Variants in SLC43A2 observed in about 807,000 individuals in gnomAD.
SLC43A2 encodes large neutral amino acids transporter small subunit 4.
Under a neutral mutation model 63.2 loss-of-function variants are expected in SLC43A2, and 38 were observed. That is an observed-to-expected ratio of 0.60 (90% confidence interval 0.46 to 0.79). The LOEUF (loss-of-function observed/expected upper bound fraction) is 0.79, where lower values mean the gene tolerates loss of function less well. Among genes scored for constraint, SLC43A2 ranks in the 30% least tolerant of loss-of-function variants. The pLI, the probability that SLC43A2 is intolerant of heterozygous loss-of-function variation, is 0.00. For missense variants in SLC43A2, 644 were observed against 756.2 expected (o/e 0.85, Z 1.74); for synonymous variants, 322 against 331.0 (o/e 0.97, Z 0.30).
chr17:1,591,739 G>GGCCCCCCCCC, intron 6 of SLC43A2, 40 bp from the exon 7 acceptor site: 1 of 512,310 alleles, frequency 2.0e-6, no homozygotes, highest in Non-Finnish European at 3.9e-6. Flanking sequence ...GGGGGAGGGG[G>GGCCCCCCCCC]CAGAGTTAGC....
In SLC43A2 at chr17:1,595,395, C is replaced by G. The variant is rs117097298; in HGVS notation, c.502-2116G>C. Among the ~76,000 whole-genome samples, 461 of 152,132 alleles carry G rather than the reference C, an allele frequency of 3.0e-3. 6 individuals are homozygous for G. Among genetic ancestry groups the G allele is most frequent in the African/African-American group, 0.01 (426 of 41,484 alleles). ...AACTTGGCTCAAGTGATCTTCCCCC[C>G]CCAGCTCCCAAGTCACTGGGACAAC... On this transcript the variant is annotated intron_variant, in intron 5 of 13. Coordinates refer to ENST00000301335, the MANE Select transcript of SLC43A2 (RefSeq NM_152346.3).
intron 2 of SLC43A2, among the ~76,000 whole-genome samples, chr17:1,625,056 C>T (rs1010988923): frequency 6.6e-6 from 1 of 152,194 alleles, no homozygotes; most frequent in Non-Finnish European, 1.5e-5. Flanking sequence ...TCCAGGAAGC[C>T]CCGTGCTTCT....
chr17:1,616,296 G>A (rs1467530164), intron 3 of SLC43A2: 4 of 504,902 alleles, frequency 7.9e-6, no homozygotes, highest in Non-Finnish European at 1.4e-5. Context: ...ACAAAGGGAT[G>A]GGAAACACAT....
rs1240206938 is a variant in SLC43A2, at chr17:1,606,129, A to G, written c.501+7066T>C. On this transcript the variant is annotated intron_variant, in intron 5 of 13. Coordinates refer to ENST00000301335, the MANE Select transcript of SLC43A2 (RefSeq NM_152346.3). The surrounding 1 kb of genome is among the most constrained non-coding windows in gnomAD (Gnocchi z 4.7). Reference sequence around the variant, plus strand: ...GGCAAGTCCCGCTCACCAGGCACCTAGACCCTCCAGAGCTGGCCGGGGGCC... The same window carrying G: ...GGCAAGTCCCGCTCACCAGGCACCTGGACCCTCCAGAGCTGGCCGGGGGCC... Among the ~76,000 whole-genome samples the G allele has an allele frequency of 1.3e-5, 2 of 152,114 alleles. No individual in the cohort carries two copies. The highest frequency in any genetic ancestry group is 4.8e-5 in the African/African-American group (2 of 41,422).
chr17:1,600,135 A>AATATATATATATATATATATAT lies in SLC43A2; in HGVS notation c.502-6857_502-6856insATATATATATATATATATATAT, dbSNP rs546467041. 7.5e-4 allele frequency among the ~76,000 whole-genome samples: 36 copies of AATATATATATATATATATATAT among 47,882 alleles called. 1 individual carries two copies. The highest frequency in any genetic ancestry group is 2.7e-3 in the East Asian group (3 of 1,122). 31.4% of individuals were successfully genotyped at this position (47,882 alleles called of 152,430 possible). On this transcript the variant is annotated intron_variant, in intron 5 of 13. Transcript: ENST00000301335. ...TTTACAGTAAGCTATATATTAATTG[A>AATATATATATATATATATATAT]ATATATATATATATATATTTTTTTT... is the stretch of plus-strand genomic sequence containing the variant.
rs1555534437 is a variant in SLC43A2, at chr17:1,573,199, A to AAAAAAG, written c.*2404_*2405insCTTTTT. 8.3e-4 allele frequency: 125 copies of AAAAAAG among 150,120 alleles called. No individual in the cohort carries two copies. The highest frequency in any genetic ancestry group is 2.9e-3 in the African/African-American group (120 of 40,794). The allele number at this position is 150,120 out of a possible 1,614,324, so 9.3% of individuals were successfully genotyped here. A position where few individuals can be genotyped will look rare whatever the true frequency, so the allele number is the denominator to read the frequency against. ...CTCAAAAAAAAAAAAAAAAAAAAAA[A>AAAAAAG]GGCGGCCTTTTCCCAGCTGGCAGCA... is the stretch of plus-strand genomic sequence containing the variant. On this transcript the variant is annotated 3_prime_UTR_variant, in exon 14 of 14. Coordinates refer to ENST00000301335, the MANE Select transcript of SLC43A2 (RefSeq NM_152346.3).
chr17:1,587,043 G>T, intron 9 of SLC43A2: 2 of 1,416,380 alleles, frequency 1.4e-6, no homozygotes, highest in South Asian at 1.3e-5. Flanking sequence ...AGATGGGAGA[G>T]GAGGCAGGCT....
Position 1,583,923 on chromosome 17 carries a change from T to A in SLC43A2, c.1218-587A>T, listed in dbSNP as rs2076059166. Among the ~76,000 whole-genome samples, 1 of 151,734 alleles carries A rather than the reference T, an allele frequency of 6.6e-6. No homozygotes were observed. Among genetic ancestry groups the A allele is most frequent in the South Asian group, 2.1e-4 (1 of 4,818 alleles). Reference sequence around the variant, plus strand: ...CTTTGGGTTTTTTTTTGAGATGGAGTCTCGCTCTGTCACCCGGGCTGGAGT... The same window carrying A: ...CTTTGGGTTTTTTTTTGAGATGGAGACTCGCTCTGTCACCCGGGCTGGAGT... On this transcript the variant is annotated intron_variant, in intron 10 of 13. Coordinates refer to ENST00000301335, the MANE Select transcript of SLC43A2 (RefSeq NM_152346.3). This position sits in a 1 kb window ranked among gnomAD's most constrained non-coding sequence, Gnocchi z 5.5.
chr17:1,609,186 C>T (rs375526109), intron 5 of SLC43A2, among the ~76,000 whole-genome samples: 1 of 152,158 alleles, frequency 6.6e-6, no homozygotes, highest in African/African-American at 2.4e-5. Context: ...CGTGTACGTG[C>T]TGGTGGGCCT....
intron 5 of SLC43A2, among the ~76,000 whole-genome samples, chr17:1,594,363 T>G (rs1905085724): frequency 6.6e-6 from 1 of 152,136 alleles, no homozygotes; most frequent in African/African-American, 2.4e-5. Flanking sequence ...TAGGGCAAAC[T>G]ACATCCTCCC....
intron 11 of SLC43A2, among the ~76,000 whole-genome samples, chr17:1,581,243 A>G (rs1409039239): frequency 5.9e-5 from 5 of 84,516 alleles, no homozygotes; most frequent in Non-Finnish European, 1.3e-4. Flanking sequence ...AGGCCTCCCC[A>G]CCTCAAATGC....
intron 2 of SLC43A2, among the ~76,000 whole-genome samples, chr17:1,619,243 G>T (rs1907942922): frequency 6.7e-6 from 1 of 148,366 alleles, no homozygotes; most frequent in African/African-American, 2.5e-5. Context: ...CGGAGGTTGT[G>T]GTAAGCTGAG....
At chr17:1,618,736 G>C (rs1907901749) in intron 2 of SLC43A2, among the ~76,000 whole-genome samples, 1 of 152,254 alleles carries the variant, frequency 6.6e-6, no homozygotes, top group Admixed American at 6.5e-5. Context: ...TGTAATCCCA[G>C]CACTTTGGGA....
chr17:1,608,155 C>T (rs924956164), intron 5 of SLC43A2, among the ~76,000 whole-genome samples: 1 of 152,186 alleles, frequency 6.6e-6, no homozygotes. Flanking sequence ...TTTACAAAAA[C>T]AGGCAGTGGT....
Position 1,575,335 on chromosome 17 carries a change from G to A in SLC43A2, c.*269C>T, listed in dbSNP as rs929284252. ...CGGGCGTTCCTGGCTCCTGCTGCAGGCACCACAGAGACCCCAGGCCCCGGG... is the reference window on the plus strand; with the variant it reads ...CGGGCGTTCCTGGCTCCTGCTGCAGACACCACAGAGACCCCAGGCCCCGGG... On this transcript the variant is annotated 3_prime_UTR_variant, in exon 14 of 14. Transcript: ENST00000301335. 2 of 532,176 alleles carry A rather than the reference G, an allele frequency of 3.8e-6. No individual in the cohort carries two copies. The highest frequency in any genetic ancestry group is 3.6e-5 in the Admixed American group (1 of 28,026). The allele number at this position is 532,176 out of a possible 1,614,324, so 33.0% of individuals were successfully genotyped here.
chr17:1,570,487 GTTT>G lies in SLC43A2; in HGVS notation c.*5114_*5116del, dbSNP rs1167305329. ...GGGCACTGAAAACGATGCTACCATT[GTTT>G]TTTTTTTTTTTTTTGAGACGGAGTC... is the stretch of plus-strand genomic sequence containing the variant. On this transcript the variant is annotated 3_prime_UTR_variant, in exon 14 of 14. Transcript: ENST00000301335. 6 of 134,288 alleles carry G rather than the reference GTTT, an allele frequency of 4.5e-5. No individual in the cohort carries two copies. The highest frequency in any genetic ancestry group is 2.1e-4 in the East Asian group (1 of 4,694). The allele number at this position is 134,288 out of a possible 1,614,324, so 8.3% of individuals were successfully genotyped here. A position where few individuals can be genotyped will look rare whatever the true frequency, so the allele number is the denominator to read the frequency against.
chr17:1,617,671 G>A (rs879695192), intron 2 of SLC43A2, among the ~76,000 whole-genome samples: 7 of 152,180 alleles, frequency 4.6e-5, no homozygotes, highest in Admixed American at 2.6e-4. Flanking sequence ...GATCACAGGC[G>A]TGAGCCGCCA....
rs577022482 is a variant in SLC43A2, at chr17:1,574,724, G to C, written c.*880C>G. ...CCTGGCGGCTCCCGCCTGGTCAGTGGGGATAAGGGCTAACTCCTAGAGCCC... is the reference window on the plus strand; with the variant it reads ...CCTGGCGGCTCCCGCCTGGTCAGTGCGGATAAGGGCTAACTCCTAGAGCCC... On this transcript the variant is annotated 3_prime_UTR_variant, in exon 14 of 14. Transcript: ENST00000301335. 4 of 152,334 alleles carry C rather than the reference G, an allele frequency of 2.6e-5. No homozygotes were observed. Among genetic ancestry groups the C allele is most frequent in the Non-Finnish European group, 5.9e-5 (4 of 68,104 alleles). 9.4% of individuals were successfully genotyped at this position (152,334 alleles called of 1,614,324 possible). A position where few individuals can be genotyped will look rare whatever the true frequency, so the allele number is the denominator to read the frequency against.
chr17:1,576,073 CTTTTTTTTTTTTTTT>C (rs56013428), intron 13 of SLC43A2, among the ~76,000 whole-genome samples: 4 of 81,536 alleles, frequency 4.9e-5, no homozygotes, highest in African/African-American at 1.5e-4. Context: ...GAACTGTGTT[CTTTTTTTTTTTTTTT>C]TTTTTTTTTT....
Sources: allele counts gnomAD v4.1 joint callset (sites outside exome capture counted in the v4.1 genomes callset), GRCh38; gene constraint gnomAD v4.1.1; non-coding constraint Gnocchi (gnomAD v3.1); transcripts MANE v1.5; gene names NCBI Gene and HGNC (gene_info 2026-07-23, HGNC 2026-07-21).